ACBD6: variants seen among roughly 807,000 people sequenced by gnomAD.
ACBD6 encodes the protein acyl-CoA-binding domain-containing protein 6.
In ACBD6, 28 loss-of-function variants were observed where a neutral mutation model predicts 37.2. The observed-to-expected ratio is 0.75, with a 90% CI of 0.56 to 1.03. The LOEUF is 1.03. ACBD6 is among the 50% of genes least tolerant of loss of function. ACBD6 has a pLI of 0.00. For synonymous variants in ACBD6, 113 were observed against 126.8 expected (o/e 0.89, Z 0.73); for missense variants, 340 against 337.4 (o/e 1.01, Z -0.06).
chr1:180,463,905 C>T (rs138236622), intron 3 of ACBD6, among the ~76,000 whole-genome samples: 54 of 152,176 alleles, frequency 3.5e-4, no homozygotes, highest in African/African-American at 1.2e-3. Flanking sequence ...GTTCAACATA[C>T]GCAAATCAAT....
downstream of ACBD6, among the ~76,000 whole-genome samples, chr1:180,286,052 C>T (rs769267732): frequency 7.9e-5 from 12 of 151,958 alleles, no homozygotes; most frequent in African/African-American, 1.2e-4. Flanking sequence ...TATATTAATT[C>T]TAAATATACA....
intron 5 of ACBD6, among the ~76,000 whole-genome samples, chr1:180,412,676 G>A (rs1048753518): frequency 5.3e-5 from 8 of 151,948 alleles, no homozygotes; most frequent in African/African-American, 1.9e-4. Context: ...GACCAACCCG[G>A]GCGACATAGC....
At chr1:180,496,433 T>C (rs943000788) in intron 1 of ACBD6, among the ~76,000 whole-genome samples, 1 of 152,188 alleles carries the variant, frequency 6.6e-6, no homozygotes, top group African/African-American at 2.4e-5. Flanking sequence ...ACCTATCTAC[T>C]TCTCAGGGAT....
chr1:180,430,028 T>C (rs946397908), intron 4 of ACBD6, 152 bp downstream of exon 4: 8 of 666,812 alleles, frequency 1.2e-5, no homozygotes, highest in Non-Finnish European at 1.8e-5. Flanking sequence ...ACCAAATCAG[T>C]TTCATGTTAA....
chr1:180,343,720 T>C (rs1341498411), intron 6 of ACBD6, among the ~76,000 whole-genome samples: 1 of 152,144 alleles, frequency 6.6e-6, no homozygotes, highest in Non-Finnish European at 1.5e-5. Flanking sequence ...CTTTTATCCT[T>C]TGTATCTGCA....
At chr1:180,481,479 C>T (rs1571565904) in intron 3 of ACBD6, among the ~76,000 whole-genome samples, 1 of 152,130 alleles carries the variant, frequency 6.6e-6, no homozygotes, top group South Asian at 2.1e-4. Flanking sequence ...TAAAAGTGGC[C>T]TTTACCATAC....
At chr1:180,276,093 T>TA (rs1553285079) in intron 9 of ACBD6, 54 of 152,330 alleles carry the variant, frequency 3.5e-4, no homozygotes, top group South Asian at 4.1e-4. Flanking sequence ...TGGGAAGCTG[T>TA]GTTTGCTTCT....
intron 5 of ACBD6, among the ~76,000 whole-genome samples, chr1:180,410,272 C>T (rs973932381): frequency 9.2e-5 from 14 of 152,376 alleles, no homozygotes; most frequent in African/African-American, 3.1e-4. Flanking sequence ...GCAGAAGCTG[C>T]AGCAAGTCAT....
intron 8 of ACBD6, among the ~76,000 whole-genome samples, chr1:180,282,546 A>C (rs1453961114): frequency 6.6e-6 from 1 of 152,210 alleles, no homozygotes; most frequent in Non-Finnish European, 1.5e-5. Flanking sequence ...AGAAAAACAA[A>C]CATCCATAAA....
chr1:180,290,444 T>C (rs1450273370), intron 7 of ACBD6, among the ~76,000 whole-genome samples: 1 of 152,230 alleles, frequency 6.6e-6, no homozygotes, highest in African/African-American at 2.4e-5. Flanking sequence ...CCCAAAGTGC[T>C]GGGATTACAG....
At chr1:180,379,952 A>G (rs966994556) in intron 6 of ACBD6, among the ~76,000 whole-genome samples, 2 of 152,230 alleles carry the variant, frequency 1.3e-5, no homozygotes, top group African/African-American at 4.8e-5. Flanking sequence ...ACACCACATT[A>G]TAGTCAAACT....
chr1:180,487,434 C>T lies in ACBD6; in HGVS notation c.384+4835G>A, dbSNP rs547905004. 5.3e-5 allele frequency among the ~76,000 whole-genome samples: 8 copies of T among 152,264 alleles called. No individual in the cohort carries two copies. The East Asian group carries it at 7.7e-4, about 15-fold the overall frequency. ...CCCTCCACTCCAACCCACTGCATCCCGCCTAGAACACAAATCATCCTTTTG... is the reference window on the plus strand; with the variant it reads ...CCCTCCACTCCAACCCACTGCATCCTGCCTAGAACACAAATCATCCTTTTG... On this transcript the variant is annotated intron_variant, in intron 3 of 7. Coordinates refer to ENST00000367595, the MANE Select transcript of ACBD6 (RefSeq NM_032360.4).
At chr1:180,369,968 CTTT>C (rs1382304615) in intron 6 of ACBD6, among the ~76,000 whole-genome samples, 2 of 152,124 alleles carry the variant, frequency 1.3e-5, no homozygotes, top group African/African-American at 4.8e-5. Context: ...AATCTGAATT[CTTT>C]TTTTCTTTTC....
intron 1 of ACBD6, 93 bp downstream of exon 1, chr1:180,501,952 A>G: frequency 8.1e-7 from 1 of 1,241,092 alleles, no homozygotes; most frequent in Admixed American, 1.9e-5. Flanking sequence ...GCTTCATTAC[A>G]CCTAGCTATT....
chr1:180,373,466 C>G (rs1653331872), intron 6 of ACBD6, among the ~76,000 whole-genome samples: 1 of 152,170 alleles, frequency 6.6e-6, no homozygotes, highest in Admixed American at 6.5e-5. Context: ...ATGCACTTTT[C>G]CTATAGCTGG....
intron 6 of ACBD6, among the ~76,000 whole-genome samples, chr1:180,334,566 CAG>C (rs1323990584): frequency 1.3e-5 from 2 of 152,112 alleles, no homozygotes; most frequent in African/African-American, 4.8e-5. Flanking sequence ...GGGAAAAAAA[CAG>C]AGCAGAAAAA....
chr1:180,502,554 A>C lies in ACBD6; in HGVS notation c.-288T>G. 3 of 456,886 alleles carry C rather than the reference A, an allele frequency of 6.6e-6. No homozygotes were observed. Among genetic ancestry groups the C allele is most frequent in the Non-Finnish European group, 1.2e-5 (3 of 245,564 alleles). 28.3% of individuals were successfully genotyped at this position (456,886 alleles called of 1,614,324 possible). On this transcript the variant is annotated 5_prime_UTR_variant, in exon 1 of 8. Transcript: ENST00000367595. ...CTCAGGCTCGCCTCAGGCCCCTCCAACGGAACAGGAGTCGAGGGGCAGTGA... is the reference window on the plus strand; with the variant it reads ...CTCAGGCTCGCCTCAGGCCCCTCCACCGGAACAGGAGTCGAGGGGCAGTGA...
chr1:180,310,994 G>A (rs533855869), intron 7 of ACBD6, among the ~76,000 whole-genome samples: 21 of 152,282 alleles, frequency 1.4e-4, no homozygotes, highest in African/African-American at 4.8e-4. Flanking sequence ...ACATAAGACA[G>A]CTTTTGTTCT....
rs781575720 is a variant in ACBD6, at chr1:180,288,317, A to G, written c.*46T>C. The G allele has an allele frequency of 2.0e-5, 32 of 1,612,484 alleles. No individual in the cohort carries two copies. Among genetic ancestry groups the G allele is most frequent in the Middle Eastern group, 1.8e-4 (1 of 5,444 alleles). On this transcript the variant is annotated 3_prime_UTR_variant, in exon 8 of 8. Transcript: ENST00000367595. ...ATTATTTTTGTAGTTTTCTTTCATA[A>G]TGGAAGCCTTATGCTATTACAGACT...
Sources: allele counts gnomAD v4.1 joint callset (sites outside exome capture counted in the v4.1 genomes callset), GRCh38; gene constraint gnomAD v4.1.1; transcripts MANE v1.5; gene names NCBI Gene and HGNC (gene_info 2026-07-23, HGNC 2026-07-21).